TMEM114: variants seen among roughly 807,000 people sequenced by gnomAD.
TMEM114 encodes claudin-26.
A neutral mutation model predicts 6.2 loss-of-function variants in TMEM114; 6 were observed. The ratio of observed to expected loss-of-function variants is 0.97; its 90% CI spans 0.53 to 1.91. The LOEUF (loss-of-function observed/expected upper bound fraction) is 1.91. Among genes scored for constraint, TMEM114 ranks in the 40% most tolerant of loss-of-function variants. TMEM114 has a pLI of 0.01. For missense variants in TMEM114, 218 were observed against 158.3 expected, an observed-to-expected ratio of 1.38 and a Z score of -2.02; for synonymous variants, 104 against 73.0, an observed-to-expected ratio of 1.42 and a Z score of -2.16.
intron 2 of TMEM114, among the ~76,000 whole-genome samples, chr16:8,577,165 T>C (rs1478799685): frequency 6.6e-6 from 1 of 152,268 alleles, no homozygotes; most frequent in Non-Finnish European, 1.5e-5. Context: ...ATGAGGACCA[T>C]AGCAGATGAC....
At chr16:8,560,159 T>C (rs1307172287) in intron 2 of TMEM114, among the ~76,000 whole-genome samples, 1 of 149,850 alleles carries the variant, frequency 6.7e-6, no homozygotes, top group Non-Finnish European at 1.5e-5. Context: ...TACCCGGCTA[T>C]TTTTTATTAT....
intron 2 of TMEM114, among the ~76,000 whole-genome samples, chr16:8,538,167 T>C (rs1431168852): frequency 7.0e-6 from 1 of 142,944 alleles, no homozygotes; most frequent in Non-Finnish European, 1.5e-5. Context: ...TCGCTGGTCA[T>C]GGTGGTGCCT....
At chr16:8,554,976 T>C (rs114287603) in intron 2 of TMEM114, among the ~76,000 whole-genome samples, 1,685 of 152,300 alleles carry the variant, frequency 0.011, 31 homozygotes, top group African/African-American at 0.038. Flanking sequence ...CGTGGAAATA[T>C]GGTCTCATAG....
At chr16:8,533,031 T>A (rs74007827), downstream of TMEM114, among the ~76,000 whole-genome samples, 2 of 152,186 alleles carry the variant, frequency 1.3e-5, no homozygotes, top group African/African-American at 4.8e-5. Context: ...GATATCATGA[T>A]GAACAACATA....
At chr16:8,527,848 T>A in the TMEM114 span, among the ~76,000 whole-genome samples, 1 of 152,174 alleles carries the variant, frequency 6.6e-6, no homozygotes, top group Non-Finnish European at 1.5e-5. Context: ...TGCAAGTTAT[T>A]ATTTCCCCCT....
the TMEM114 span, among the ~76,000 whole-genome samples, chr16:8,528,485 C>A: frequency 2.0e-5 from 3 of 152,166 alleles, no homozygotes; most frequent in East Asian, 1.9e-4. Flanking sequence ...TCCTCAACCT[C>A]TCACACCAAG....
downstream of TMEM114, among the ~76,000 whole-genome samples, chr16:8,569,297 C>G (rs75170751): frequency 6.6e-6 from 1 of 151,986 alleles, no homozygotes; most frequent in Non-Finnish European, 1.5e-5. Context: ...CGTAGAAAGC[C>G]CATGTCATGC....
intron 2 of TMEM114, among the ~76,000 whole-genome samples, chr16:8,580,391 G>T (rs1396119867): frequency 1.3e-5 from 2 of 151,744 alleles, no homozygotes; most frequent in Non-Finnish European, 2.9e-5. Context: ...GGAGGCTGAG[G>T]CAGGAGAATC....
At chr16:8,552,314 G>T (rs1396458013) in intron 2 of TMEM114, among the ~76,000 whole-genome samples, 4 of 152,050 alleles carry the variant, frequency 2.6e-5, no homozygotes, top group Non-Finnish European at 4.4e-5. Context: ...AACCCAGGAG[G>T]TTGAGGCTGT....
intron 2 of TMEM114, among the ~76,000 whole-genome samples, chr16:8,554,089 G>A (rs1900930316): frequency 6.6e-6 from 1 of 152,086 alleles, no homozygotes. Context: ...ATGTTGCCCA[G>A]GCTGATCTTG....
At chr16:8,574,650 C>G (rs1052394277) in intron 2 of TMEM114, among the ~76,000 whole-genome samples, 12 of 149,622 alleles carry the variant, frequency 8.0e-5, no homozygotes, top group African/African-American at 3.0e-4. Context: ...ACAGCTCATG[C>G]AAAAACCTAG....
At chr16:8,541,142 G>A (rs2141649013) in intron 2 of TMEM114, among the ~76,000 whole-genome samples, 1 of 152,212 alleles carries the variant, frequency 6.6e-6, no homozygotes, top group Middle Eastern at 3.4e-3. Context: ...TATATGCCAG[G>A]CATATTATAT....
chr16:8,532,565 C>T, the TMEM114 span, among the ~76,000 whole-genome samples: 1 of 152,300 alleles, frequency 6.6e-6, no homozygotes, highest in African/African-American at 2.4e-5. Flanking sequence ...AAGAGAACGA[C>T]GTGTCTCATT....
intron 2 of TMEM114, among the ~76,000 whole-genome samples, chr16:8,541,030 G>C (rs140078197): frequency 9.5e-5 from 12 of 126,422 alleles, no homozygotes; most frequent in African/African-American, 3.3e-4. Flanking sequence ...GGAGTGTAGA[G>C]TGAGGTGAGG....
downstream of TMEM114, among the ~76,000 whole-genome samples, chr16:8,568,490 C>T (rs567445190): frequency 6.6e-6 from 1 of 152,100 alleles, no homozygotes; most frequent in African/African-American, 2.4e-5. Flanking sequence ...ACTGACTGAC[C>T]GACTGGCATG....
At chr16:8,587,373 T>A (rs1902349485) in intron 2 of TMEM114, among the ~76,000 whole-genome samples, 2 of 152,250 alleles carry the variant, frequency 1.3e-5, no homozygotes, top group South Asian at 2.1e-4. Flanking sequence ...AAGATAGACA[T>A]GGTCCTTGTC....
At chr16:8,573,992 T>C (rs1366606825) in intron 2 of TMEM114, among the ~76,000 whole-genome samples, 1 of 152,148 alleles carries the variant, frequency 6.6e-6, no homozygotes, top group Non-Finnish European at 1.5e-5. Flanking sequence ...GACAATGTAG[T>C]GAATGAATGA....
chr16:8,539,651 C>G (rs781384936), intron 2 of TMEM114, among the ~76,000 whole-genome samples: 16 of 152,182 alleles, frequency 1.1e-4, no homozygotes, highest in Middle Eastern at 6.8e-3. Flanking sequence ...GCAACTGGCC[C>G]AGGGATCCTT....
the TMEM114 span, among the ~76,000 whole-genome samples, chr16:8,528,075 A>C: frequency 4.6e-5 from 7 of 152,068 alleles, no homozygotes; most frequent in Admixed American, 1.3e-4. Context: ...TGCCCGGCTA[A>C]GTTTTGGTAG....
Sources: gnomAD v4.1 joint callset for allele counts (sites outside exome capture counted in the v4.1 genomes callset) on GRCh38, gnomAD v4.1.1 for gene constraint, MANE v1.5 for transcripts, NCBI Gene and HGNC (gene_info 2026-07-23, HGNC 2026-07-21) for gene names.